FIBIN: variants seen among roughly 807,000 people sequenced by gnomAD.
The protein encoded by FIBIN is fin bud initiation factor homolog, also known as fin bud initiation factor homolog (zebrafish).
Under a neutral mutation model 13.0 loss-of-function variants are expected in FIBIN, and 8 were observed. The observed-to-expected ratio is 0.62, with a 90% CI of 0.36 to 1.11. The LOEUF (loss-of-function observed/expected upper bound fraction) is 1.11. FIBIN is among the 50% of genes most tolerant of loss of function. The pLI is 0.02. For synonymous variants in FIBIN, 127 were observed against 114.7 expected (o/e 1.11, Z -0.69); for missense variants, 261 against 260.2 (o/e 1.00, Z -0.02).
In FIBIN at chr11:26,995,822, T is replaced by G. The variant is rs1350594143; in HGVS notation, c.*660T>G. On this transcript the variant is annotated 3_prime_UTR_variant, in exon 1 of 1. Transcript: ENST00000318627. The stretch of plus-strand genomic sequence containing the variant: ...TGTGTGTAAGTTAAAGTGGCCACAT[T>G]TAAGAAGGCCAAGCTTTGTAGTGGT... 6.0e-6 allele frequency: 1 copy of G among 167,082 alleles called. No homozygotes were observed. Among genetic ancestry groups the G allele is most frequent in the East Asian group, 1.9e-4 (1 of 5,202 alleles). 10.3% of individuals were successfully genotyped at this position (167,082 alleles called of 1,614,324 possible).
At position 26,994,442 on chromosome 11, in the gene FIBIN, G is replaced by T; in HGVS notation, c.-85G>T. 7.5e-7 allele frequency: 1 copy of T among 1,337,650 alleles called. No homozygotes were observed. 82.9% of individuals were successfully genotyped at this position (1,337,650 alleles called of 1,614,324 possible). A position where few individuals can be genotyped will look rare whatever the true frequency, so the allele number is the denominator to read the frequency against. ...ACTGAGGCGGACGCTGTCTCAGGGAGACGCTGACTCGCAAAGACACTCCCT... is the reference window on the plus strand; with the variant it reads ...ACTGAGGCGGACGCTGTCTCAGGGATACGCTGACTCGCAAAGACACTCCCT... On this transcript the variant is annotated 5_prime_UTR_variant, in exon 1 of 1. Coordinates refer to ENST00000318627, the MANE Select transcript of FIBIN (RefSeq NM_203371.2).
rs773426439 is a variant in FIBIN at position 26,994,275 on chromosome 11, C to T, written c.-252C>T. On this transcript the variant is annotated 5_prime_UTR_variant, in exon 1 of 1. Transcript: ENST00000318627. Reference sequence around the variant, plus strand: ...GAGGGGTTCCCCGCTACGCCTGTGCCGGAGGAGTTCCAGTCACCGAGCGAG... The same window carrying T: ...GAGGGGTTCCCCGCTACGCCTGTGCTGGAGGAGTTCCAGTCACCGAGCGAG... The T allele has an allele frequency of 6.1e-5, 27 of 439,850 alleles. No homozygotes were observed. The highest frequency in any genetic ancestry group is 1.0e-4 in the Non-Finnish European group (25 of 249,064). The allele number at this position is 439,850 out of a possible 1,614,324, so 27.2% of individuals were successfully genotyped here. A position where few individuals can be genotyped will look rare whatever the true frequency, so the allele number is the denominator to read the frequency against.
rs767662457 is a variant in FIBIN at position 26,994,917 on chromosome 11, T to A, written c.391T>A (p.Ser131Thr). 6.8e-6 allele frequency: 11 copies of A among 1,608,450 alleles called. No individual in the cohort carries two copies. The South Asian group carries it at 1.2e-4, about 18-fold the overall frequency. ...GTCCCACCAGATCGGGGATGCCTAC[T>A]CCAACTCGGACAAATCCCTCACTGA... The part of the protein sequence containing the change: ...RESHQIGDAY[S>T]NSDKSLTELE... The change falls in exon 1 of 1, where the codon TCC (serine) becomes ACC (threonine). Residue 131 changes from serine (S) to threonine (T), a missense_variant. By Grantham distance (58) the Ser-to-Thr change is moderately conservative. Coordinates refer to ENST00000318627, the MANE Select transcript of FIBIN (RefSeq NM_203371.2).
Position 26,994,388 on chromosome 11 carries a change from G to T in FIBIN, c.-139G>T, listed in dbSNP as rs118136260. On this transcript the variant is annotated 5_prime_UTR_variant, in exon 1 of 1. Transcript: ENST00000318627. ...AGCCACATGAAGCCTGCTGGGGACT[G>T]GGGGCCAGGGAGCAGCAAGCCAGCT... The T allele has an allele frequency of 2.6e-6, 2 of 772,120 alleles. No individual in the cohort carries two copies. Among genetic ancestry groups the T allele is most frequent in the Non-Finnish European group, 4.1e-6 (2 of 489,886 alleles). The allele number at this position is 772,120 out of a possible 1,614,324, so 47.8% of individuals were successfully genotyped here. A position where few individuals can be genotyped will look rare whatever the true frequency, so the allele number is the denominator to read the frequency against.
Position 26,995,041 on chromosome 11 carries a change from T to C in FIBIN, c.515T>C (p.Leu172Pro). ...GGAATGCTGGTCCACACCAGGTCCC[T>C]GCTGAAGGAGACACTGGACATCTCT... The part of the protein sequence containing the change: ...FLGMLVHTRS[L>P]LKETLDISVG... Residue 172 changes from leucine (L) to proline (P), a missense_variant, in exon 1 of 1, where the codon CTG becomes CCG. Transcript: ENST00000318627. The C allele has an allele frequency of 6.2e-7, 1 of 1,614,044 alleles. No individual in the cohort carries two copies. Among genetic ancestry groups the C allele is most frequent in the South Asian group, 1.1e-5 (1 of 91,066 alleles).
rs1850901984 is a variant in FIBIN at position 26,994,568 on chromosome 11, C to T, written c.42C>T (p.His14=). ...LKFFCMSFFC[H]LCQGYFDGPL... is the part of the protein sequence containing the mutation. ...TCTTCTGCATGAGTTTCTTCTGCCA[C>T]CTGTGTCAAGGCTACTTCGATGGCC... The change falls in exon 1 of 1, where the codon CAC becomes CAT. Residue 14 remains histidine (H), a synonymous_variant. Coordinates refer to ENST00000318627, the MANE Select transcript of FIBIN (RefSeq NM_203371.2). 2 of 1,611,530 alleles carry T rather than the reference C, an allele frequency of 1.2e-6. No individual in the cohort carries two copies. Among genetic ancestry groups the T allele is most frequent in the South Asian group, 1.1e-5 (1 of 90,962 alleles).
In FIBIN at chr11:26,994,631, C is replaced by A. The variant is rs1263411419; in HGVS notation, c.105C>A (p.His35Gln). Residue 35 changes from histidine to glutamine, a missense_variant, in exon 1 of 1, where the codon CAC (histidine) becomes CAA (glutamine). By Grantham distance (24) the His-to-Gln change is conservative. Transcript: ENST00000318627. ...AGATGTCCAATGGGACTCTGCACCA[C>A]TACTTCGTGCCCGATGGGGACTATG... ...YPEMSNGTLH[H>Q]YFVPDGDYEE... 6.2e-7 allele frequency: 1 copy of A among 1,614,118 alleles called. No homozygotes were observed. The highest frequency in any genetic ancestry group is 8.5e-7 in the Non-Finnish European group (1 of 1,180,030).
In FIBIN at chr11:26,994,813, G is replaced by T. The variant is rs138273386; in HGVS notation, c.287G>T (p.Arg96Leu). 1.9e-6 allele frequency: 3 copies of T among 1,602,524 alleles called. No homozygotes were observed. Among genetic ancestry groups the T allele is most frequent in the Admixed American group, 3.4e-5 (2 of 59,246 alleles). The change falls in exon 1 of 1, where the codon CGC (arginine) becomes CTC (leucine). Residue 96 changes from arginine to leucine, a missense_variant. Coordinates refer to ENST00000318627, the MANE Select transcript of FIBIN (RefSeq NM_203371.2). Reference sequence around the variant, plus strand: ...GGCCGCCAGGTGGAGGATGCTGGGCGCGTGCTGGAGGGCATCAGCAAAAGC... The same window carrying T: ...GGCCGCCAGGTGGAGGATGCTGGGCTCGTGCTGGAGGGCATCAGCAAAAGC... ...VLGRQVEDAG[R>L]VLEGISKSIS...
Position 26,994,497 on chromosome 11 carries a change from T to TG in FIBIN, c.-26dup, listed in dbSNP as rs1564936621. 6.4e-7 allele frequency: 1 copy of TG among 1,564,912 alleles called. No homozygotes were observed. Among genetic ancestry groups the TG allele is most frequent in the Non-Finnish European group, 8.7e-7 (1 of 1,153,152 alleles). ...TGTGCCTGGGTAAAAAGTCTCCTCC[T>TG]GGGGTCCCTGGCCATCCTGAATATC... is the stretch of plus-strand genomic sequence containing the variant. On this transcript the variant is annotated 5_prime_UTR_variant, in exon 1 of 1. Transcript: ENST00000318627.
At position 26,995,279 on chromosome 11, in the gene FIBIN, G is replaced by A; in HGVS notation, c.*117G>A. 2.9e-6 allele frequency: 3 copies of A among 1,049,190 alleles called. No individual in the cohort carries two copies. The highest frequency in any genetic ancestry group is 4.1e-6 in the Non-Finnish European group (3 of 737,488). 65.0% of individuals were successfully genotyped at this position (1,049,190 alleles called of 1,614,324 possible). A position where few individuals can be genotyped will look rare whatever the true frequency, so the allele number is the denominator to read the frequency against. On this transcript the variant is annotated 3_prime_UTR_variant, in exon 1 of 1. Coordinates refer to ENST00000318627, the MANE Select transcript of FIBIN (RefSeq NM_203371.2). ...CTACTATTTTTTTATATCCCGATTTGCACTTTGAGAATACATCTAAGGTCA... is the reference window on the plus strand; with the variant it reads ...CTACTATTTTTTTATATCCCGATTTACACTTTGAGAATACATCTAAGGTCA...
At position 26,995,380 on chromosome 11, in the gene FIBIN, G is replaced by A. The variant is rs886626703; in HGVS notation, c.*218G>A. ...GTTTTTGTACATTATTTATGTGATT[G>A]TTATGGAATTGTCACCTGGAAAGAA... On this transcript the variant is annotated 3_prime_UTR_variant, in exon 1 of 1. Coordinates refer to ENST00000318627, the MANE Select transcript of FIBIN (RefSeq NM_203371.2). 2 of 473,428 alleles carry A rather than the reference G, an allele frequency of 4.2e-6. No individual in the cohort carries two copies. The highest frequency in any genetic ancestry group is 4.0e-5 in the African/African-American group (2 of 49,428). 29.3% of individuals were successfully genotyped at this position (473,428 alleles called of 1,614,324 possible). A position where few individuals can be genotyped will look rare whatever the true frequency, so the allele number is the denominator to read the frequency against.
At position 26,995,981 on chromosome 11, in the gene FIBIN, C is replaced by T. The variant is rs1196952655; in HGVS notation, c.*819C>T. 2 of 166,236 alleles carry T rather than the reference C, an allele frequency of 1.2e-5. No individual in the cohort carries two copies. Among genetic ancestry groups the T allele is most frequent in the Non-Finnish European group, 2.9e-5 (2 of 68,114 alleles). 10.3% of individuals were successfully genotyped at this position (166,236 alleles called of 1,614,324 possible). A position where few individuals can be genotyped will look rare whatever the true frequency, so the allele number is the denominator to read the frequency against. On this transcript the variant is annotated 3_prime_UTR_variant, in exon 1 of 1. Transcript: ENST00000318627. ...CCACAAATGCCTATGATTTAGGTTA[C>T]CAATGTATTCTTTCTCATTTGGGGT...
chr11:26,996,338 A>G lies in FIBIN; in HGVS notation c.*1176A>G, dbSNP rs538560116. On this transcript the variant is annotated 3_prime_UTR_variant, in exon 1 of 1. Coordinates refer to ENST00000318627, the MANE Select transcript of FIBIN (RefSeq NM_203371.2). ...AGCCATTGCCCAAACTTTAAATTTGATCTCTATAGGTCTGCTTAAAGACTC... is the reference window on the plus strand; with the variant it reads ...AGCCATTGCCCAAACTTTAAATTTGGTCTCTATAGGTCTGCTTAAAGACTC... 2.6e-4 allele frequency among the ~76,000 whole-genome samples: 40 copies of G among 152,238 alleles called. 1 individual carries two copies. In the South Asian group the frequency reaches 8.3e-3, roughly 32 times the overall value.
chr11:26,994,263 C>A lies in FIBIN; in HGVS notation c.-264C>A. 2.4e-6 allele frequency: 1 copy of A among 417,216 alleles called. No individual in the cohort carries two copies. Among genetic ancestry groups the A allele is most frequent in the South Asian group, 6.1e-5 (1 of 16,388 alleles). The allele number at this position is 417,216 out of a possible 1,614,324, so 25.8% of individuals were successfully genotyped here. A position where few individuals can be genotyped will look rare whatever the true frequency, so the allele number is the denominator to read the frequency against. On this transcript the variant is annotated 5_prime_UTR_variant, in exon 1 of 1. Coordinates refer to ENST00000318627, the MANE Select transcript of FIBIN (RefSeq NM_203371.2). ...AGGGCCCCGGAGGAGGGGTTCCCCG[C>A]TACGCCTGTGCCGGAGGAGTTCCAG... is the stretch of plus-strand genomic sequence containing the variant.
Sources: gnomAD v4.1 joint callset for allele counts (sites outside exome capture counted in the v4.1 genomes callset) on GRCh38, gnomAD v4.1.1 for gene constraint, MANE v1.5 for transcripts, NCBI Gene and HGNC (gene_info 2026-07-23, HGNC 2026-07-21) for gene names.